The following DAGLA variants were observed in gnomAD, a reference collection of about 807,000 sequenced individuals.
DAGLA encodes the protein diacylglycerol lipase alpha.
In DAGLA, 22 loss-of-function variants were observed where a neutral mutation model predicts 102.6. That is an observed-to-expected ratio of 0.21 (90% CI 0.15 to 0.31). The LOEUF is 0.31. Among genes scored for constraint, DAGLA ranks in the 10% least tolerant of loss-of-function variants. The probability of loss-of-function intolerance (pLI) is 1.00; values close to 1 mark genes in which losing one functional copy is unlikely to be tolerated. For synonymous variants in DAGLA, 578 were observed against 628.9 expected (o/e 0.92, Z 1.21); for missense variants, 927 against 1,446.6 (o/e 0.64, Z 5.83).
At chr11:61,707,293 A>T (rs1414413204) in intron 1 of DAGLA, among the ~76,000 whole-genome samples, 1 of 152,234 alleles carries the variant, frequency 6.6e-6, no homozygotes, top group African/African-American at 2.4e-5. Context: ...AAGGAAAGTG[A>T]TGCCAAATTC....
chr11:61,739,395 CCCCCTG>C (rs1054536238), intron 16 of DAGLA, 64 bp from the exon 17 acceptor site: 7 of 970,732 alleles, frequency 7.2e-6, no homozygotes, highest in Middle Eastern at 7.1e-4. Flanking sequence ...CCTTCTCGGT[CCCCCTG>C]CCCCTGCCCC....
chr11:61,690,381 A>G (rs1456077146), intron 1 of DAGLA, among the ~76,000 whole-genome samples: 2 of 152,162 alleles, frequency 1.3e-5, no homozygotes, highest in Non-Finnish European at 2.9e-5. Context: ...TAATGGTATC[A>G]CTTCGTCCTG....
At chr11:61,718,431 A>G (rs2065254650) in intron 1 of DAGLA, among the ~76,000 whole-genome samples, 3 of 149,460 alleles carry the variant, frequency 2.0e-5, no homozygotes, top group Admixed American at 1.3e-4. Flanking sequence ...GGGGGCGGCA[A>G]TACCAGCTGT....
intron 8 of DAGLA, 53 bp from the exon 9 acceptor site, chr11:61,731,264 G>A (rs2065371722): frequency 6.2e-7 from 1 of 1,605,858 alleles, no homozygotes; most frequent in Admixed American, 1.7e-5. Context: ...TGGGCCCTGA[G>A]GCTGTAGGCA....
At chr11:61,710,727 G>T (rs148643438) in intron 1 of DAGLA, among the ~76,000 whole-genome samples, 1 of 152,144 alleles carries the variant, frequency 6.6e-6, no homozygotes, top group African/African-American at 2.4e-5. Flanking sequence ...GACTTAGATC[G>T]CGGAGAGTTA....
chr11:61,742,910 C>A (rs887005338), intron 19 of DAGLA, among the ~76,000 whole-genome samples: 4 of 152,048 alleles, frequency 2.6e-5, no homozygotes, highest in African/African-American at 4.8e-5. Flanking sequence ...CTCATTCTCA[C>A]ATTGGTACAA....
At position 61,724,648 on chromosome 11, in the gene DAGLA, C is replaced by G. The variant is rs2065309646; in HGVS notation, c.548+1076C>G. Among the ~76,000 whole-genome samples, 4 of 152,194 alleles carry G rather than the reference C, an allele frequency of 2.6e-5. No individual in the cohort carries two copies. The South Asian group carries it at 8.3e-4, about 32-fold the overall frequency. ...TTCCACGTCAGCTCAGCACTGCAGC[C>G]AGAGCCACACCCGTGCCTGCTGTGG... On this transcript the variant is annotated intron_variant, in intron 5 of 19. Coordinates refer to ENST00000257215, the MANE Select transcript of DAGLA (RefSeq NM_006133.3).
intron 1 of DAGLA, among the ~76,000 whole-genome samples, chr11:61,688,948 T>C (rs117186302): frequency 0.013 from 2,004 of 152,328 alleles, 18 homozygotes; most frequent in Non-Finnish European, 0.022. Flanking sequence ...CTGGGGAAGA[T>C]GACACGTGCT....
intron 1 of DAGLA, among the ~76,000 whole-genome samples, chr11:61,702,065 C>T (rs1176835785): frequency 6.6e-6 from 1 of 152,050 alleles, no homozygotes; most frequent in East Asian, 1.9e-4. Flanking sequence ...CATGCACCAC[C>T]ACATCTGGCT....
Position 61,739,559 on chromosome 11 carries a change from C to T in DAGLA, c.1751C>T (p.Thr584Ile), listed in dbSNP as rs1160542244. Reference protein sequence around the residue: ...VTTLASTRLWTHPSDLTIALS... With the variant: ...VTTLASTRLWIHPSDLTIALS... ...ACCCTGGCCAGCACGCGGCTCTGGA[C>T]CCACCCCAGCGACCTAACTATAGCC... The change falls in exon 17 of 20, where the codon ACC becomes ATC. Residue 584 changes from threonine to isoleucine, a missense_variant. Coordinates refer to ENST00000257215, the MANE Select transcript of DAGLA (RefSeq NM_006133.3). 1 of 1,613,926 alleles carries T rather than the reference C, an allele frequency of 6.2e-7. No homozygotes were observed. Among genetic ancestry groups the T allele is most frequent in the Admixed American group, 1.7e-5 (1 of 60,012 alleles).
chr11:61,691,981 C>T (rs754228382), intron 1 of DAGLA, among the ~76,000 whole-genome samples: 2 of 152,230 alleles, frequency 1.3e-5, no homozygotes, highest in Non-Finnish European at 2.9e-5. Context: ...CACTGGGGAG[C>T]TTGCCAACGC....
intron 8 of DAGLA, among the ~76,000 whole-genome samples, chr11:61,729,765 C>T (rs1378327421): frequency 2.6e-5 from 4 of 152,162 alleles, no homozygotes; most frequent in African/African-American, 4.8e-5. Flanking sequence ...GAAAGGATTC[C>T]GTCTCTTAGA....
At position 61,734,658 on chromosome 11, in the gene DAGLA, T is replaced by C. The variant is rs1353285277; in HGVS notation, c.975-191T>C. On this transcript the variant is annotated intron_variant, in intron 9 of 19. Coordinates refer to ENST00000257215, the MANE Select transcript of DAGLA (RefSeq NM_006133.3). The surrounding 1 kb of genome is among the most constrained non-coding windows in gnomAD (Gnocchi z 4.2). ...CACAGGGTCAGGTGCCGCCAAGAGC[T>C]CAGTTAAGAGGAAGGCTAAGAGTGG... is the stretch of plus-strand genomic sequence containing the variant. Among the ~76,000 whole-genome samples the C allele has an allele frequency of 6.6e-6, 1 of 151,974 alleles. No homozygotes were observed. The highest frequency in any genetic ancestry group is 1.5e-5 in the Non-Finnish European group (1 of 68,002).
chr11:61,735,877 A>T, intron 12 of DAGLA, 61 bp downstream of exon 12: 4 of 1,463,634 alleles, frequency 2.7e-6, no homozygotes, highest in Non-Finnish European at 3.7e-6. Context: ...CAGTGTGCAG[A>T]GGCGTGTATG....
chr11:61,743,557 C>T lies in DAGLA; in HGVS notation c.2197C>T (p.Leu733=). The T allele has an allele frequency of 6.5e-7, 1 of 1,543,850 alleles. No individual in the cohort carries two copies. The highest frequency in any genetic ancestry group is 1.2e-5 in the South Asian group (1 of 80,490). The part of the protein sequence containing the change: ...VRSKSQSEMS[L]EGFSEGRLLS... The stretch of plus-strand genomic sequence containing the variant: ...GAGCAAGTCCCAGTCTGAGATGAGC[C>T]TGGAGGGCTTCTCGGAGGGGCGGCT... Residue 733 remains leucine (L), a synonymous_variant, in exon 20 of 20, where the codon CTG becomes TTG. Coordinates refer to ENST00000257215, the MANE Select transcript of DAGLA (RefSeq NM_006133.3).
chr11:61,710,076 A>G (rs1327443101), intron 1 of DAGLA, among the ~76,000 whole-genome samples: 2 of 152,098 alleles, frequency 1.3e-5, no homozygotes, highest in Non-Finnish European at 2.9e-5. Context: ...CCCACTTAGC[A>G]TATCATTAAC....
intron 18 of DAGLA, 101 bp from the exon 19 acceptor site, chr11:61,741,061 C>T: frequency 8.4e-7 from 1 of 1,194,284 alleles, no homozygotes; most frequent in Middle Eastern, 2.9e-4. Flanking sequence ...CTCCATGAGG[C>T]TTTGCTTGGC....
intron 7 of DAGLA, among the ~76,000 whole-genome samples, chr11:61,728,720 A>G (rs1249051799): frequency 3.3e-5 from 5 of 152,142 alleles, no homozygotes; most frequent in African/African-American, 1.2e-4. Context: ...CAGGGGCTTG[A>G]TGTTTTGGGT....
At chr11:61,736,240 C>CAACA in intron 12 of DAGLA, 30 bp from the exon 13 acceptor site, 1 of 1,602,576 alleles carries the variant, frequency 6.2e-7, no homozygotes, top group Non-Finnish European at 8.6e-7. Flanking sequence ...GGCCTCCCAC[C>CAACA]AACACCTGCT....
Sources: gnomAD v4.1 joint callset for allele counts (sites outside exome capture counted in the v4.1 genomes callset) on GRCh38, gnomAD v4.1.1 for gene constraint, Gnocchi (gnomAD v3.1) non-coding constraint, MANE v1.5 for transcripts, NCBI Gene and HGNC (gene_info 2026-07-23, HGNC 2026-07-21) for gene names.